Variants in GCFC2 observed in about 807,000 individuals in gnomAD.
The protein encoded by GCFC2 is GC-rich sequence DNA-binding factor 2, also known as intron Large complex component GCFC2.
A neutral mutation model predicts 99.4 loss-of-function variants in GCFC2; 102 were observed. That is an observed-to-expected ratio of 1.03 (90% CI 0.87 to 1.21). GCFC2 has a LOEUF of 1.21. Among genes scored for constraint, GCFC2 ranks in the 50% most tolerant of loss-of-function variants. The pLI is 0.00. For synonymous variants in GCFC2, 338 were observed against 316.8 expected (o/e 1.07, Z -0.71); for missense variants, 973 against 920.9 (o/e 1.06, Z -0.73).
At chr2:75,684,336 C>T (rs1679721043) in intron 11 of GCFC2, among the ~76,000 whole-genome samples, 1 of 152,208 alleles carries the variant, frequency 6.6e-6, no homozygotes, top group South Asian at 2.1e-4. Context: ...CACTCAAAAC[C>T]GCACAACTAT....
chr2:75,700,117 T>C (rs1680516175), intron 4 of GCFC2, among the ~76,000 whole-genome samples: 1 of 152,064 alleles, frequency 6.6e-6, no homozygotes, highest in Admixed American at 6.6e-5. Context: ...CCCAGGCTAG[T>C]CTTCTTTGTA....
At position 75,680,276 on chromosome 2, in the gene GCFC2, G is replaced by T; in HGVS notation, c.1729C>A (p.Gln577Lys). ...CAATGTGTTATTAAACTTGTTGTCT[G>T]TGAGGTTGACAAAGGATCCCAAAGG... ...EFLWDPLSTSQTTSLITHCRV... is the reference protein window; with the variant it reads ...EFLWDPLSTSKTTSLITHCRV... Residue 577 changes from glutamine to lysine, a missense_variant, in exon 12 of 17, where the codon CAG becomes AAG. By Grantham distance (53) the Gln-to-Lys change is moderately conservative. Coordinates refer to ENST00000321027, the MANE Select transcript of GCFC2 (RefSeq NM_003203.5). The T allele has an allele frequency of 1.2e-6, 2 of 1,607,722 alleles. No homozygotes were observed. Among genetic ancestry groups the T allele is most frequent in the Non-Finnish European group, 1.7e-6 (2 of 1,174,534 alleles).
At chr2:75,706,178 C>T (rs985132912) in intron 2 of GCFC2, among the ~76,000 whole-genome samples, 3 of 152,132 alleles carry the variant, frequency 2.0e-5, no homozygotes, top group African/African-American at 4.8e-5. Context: ...TATTACATAC[C>T]TTCCCTAGAG....
chr2:75,679,771 G>T, intron 12 of GCFC2: 1 of 399,142 alleles, frequency 2.5e-6, no homozygotes, highest in Non-Finnish European at 4.4e-6. Flanking sequence ...GTTCATCTCT[G>T]CAGGGCCAGT....
At chr2:75,710,976 C>A, upstream of GCFC2, 1 of 1,367,428 alleles carries the variant, frequency 7.3e-7, no homozygotes, top group Non-Finnish European at 9.4e-7. Flanking sequence ...GCCCGTCCCG[C>A]CTGCCTTCTG....
At position 75,671,935 on chromosome 2, in the gene GCFC2, G is replaced by A; in HGVS notation, c.1956+15C>T. 1 of 1,421,092 alleles carries A rather than the reference G, an allele frequency of 7.0e-7. No individual in the cohort carries two copies. Among genetic ancestry groups the A allele is most frequent in the Non-Finnish European group, 9.9e-7 (1 of 1,010,654 alleles). The allele number at this position is 1,421,092 out of a possible 1,614,324, so 88.0% of individuals were successfully genotyped here. ...TTACAAAAATTGCCTTTTCATTTTT[G>A]CAGTTTTTGCTCACCTTTAGGCCTG... On this transcript the variant is annotated intron_variant, in intron 14 of 16. Transcript: ENST00000321027.
rs1189692437 is a variant in GCFC2 at position 75,702,187 on chromosome 2, G to T, written c.619+12C>A. ...AAAATATCCTAATCTTCATATATTG[G>T]TAAATCCATACTTGATTCCTCAGCC... On this transcript the variant is annotated intron_variant, in intron 3 of 16. Coordinates refer to ENST00000321027, the MANE Select transcript of GCFC2 (RefSeq NM_003203.5). The T allele has an allele frequency of 6.3e-7, 1 of 1,596,052 alleles. No homozygotes were observed. The highest frequency in any genetic ancestry group is 1.1e-5 in the South Asian group (1 of 90,558).
At chr2:75,681,974 C>G (rs1156781905) in intron 11 of GCFC2, among the ~76,000 whole-genome samples, 1 of 151,896 alleles carries the variant, frequency 6.6e-6, no homozygotes, top group Non-Finnish European at 1.5e-5. Context: ...CCCCCATCTT[C>G]CATGGACAGA....
In GCFC2 at chr2:75,664,801, T is replaced by G; in HGVS notation, c.2229-18A>C. 1 of 1,188,228 alleles carries G rather than the reference T, an allele frequency of 8.4e-7. No individual in the cohort carries two copies. The highest frequency in any genetic ancestry group is 1.2e-6 in the Non-Finnish European group (1 of 800,982). The allele number at this position is 1,188,228 out of a possible 1,614,324, so 73.6% of individuals were successfully genotyped here. A position where few individuals can be genotyped will look rare whatever the true frequency, so the allele number is the denominator to read the frequency against. On this transcript the variant is annotated intron_variant, in intron 16 of 16. Coordinates refer to ENST00000321027, the MANE Select transcript of GCFC2 (RefSeq NM_003203.5). ...CTTCATCCCTGAAAAACAAAACAAA[T>G]TTCTCCCTTTAAAAATGCAATGTAT...
Position 75,687,855 on chromosome 2 carries a change from G to C in GCFC2, c.1662C>G (p.Ile554Met). The change falls in exon 11 of 17, where the codon ATC (isoleucine) becomes ATG (methionine). Residue 554 changes from isoleucine (I) to methionine (M), a missense_variant. Physicochemically the swap from Ile to Met is conservative, Grantham distance 10. Transcript: ENST00000321027. ...SSDKKVLSAI[I>M]NKTIIPRLTD... ...TAAGTCGGGGAATAATTGTTTTGTT[G>C]ATGATTGCAGACAAGACTTTTTTAT... 1 of 1,605,062 alleles carries C rather than the reference G, an allele frequency of 6.2e-7. No homozygotes were observed. Among genetic ancestry groups the C allele is most frequent in the Non-Finnish European group, 8.5e-7 (1 of 1,176,180 alleles).
rs1264636730 is a variant in GCFC2, at chr2:75,710,878, G to T, written c.-23C>A. On this transcript the variant is annotated 5_prime_UTR_variant, in exon 1 of 17. Coordinates refer to ENST00000321027, the MANE Select transcript of GCFC2 (RefSeq NM_003203.5). ...CATGGCCGAGGCCCGAGCGCCCGGC[G>T]CCCTAGAACCCGCTGAACCGCAAGC... 3 of 1,526,024 alleles carry T rather than the reference G, an allele frequency of 2.0e-6. No homozygotes were observed. Among genetic ancestry groups the T allele is most frequent in the Admixed American group, 1.9e-5 (1 of 52,684 alleles). 94.5% of individuals were successfully genotyped at this position (1,526,024 alleles called of 1,614,324 possible).
chr2:75,699,298 A>C (rs1680469484), intron 4 of GCFC2, among the ~76,000 whole-genome samples: 1 of 152,198 alleles, frequency 6.6e-6, no homozygotes, highest in African/African-American at 2.4e-5. Flanking sequence ...TTAGGACATA[A>C]ATTGTATAAA....
intron 4 of GCFC2, among the ~76,000 whole-genome samples, chr2:75,700,152 C>T (rs1680518153): frequency 6.6e-6 from 1 of 152,146 alleles, no homozygotes; most frequent in Admixed American, 6.6e-5. Context: ...CTGACTCAGC[C>T]TCCCGAGCTT....
intron 15 of GCFC2, among the ~76,000 whole-genome samples, chr2:75,669,098 C>A (rs1678972984): frequency 6.6e-6 from 1 of 152,126 alleles, no homozygotes; most frequent in Admixed American, 6.5e-5. Flanking sequence ...ATTATTTTCA[C>A]ATATTTTAAG....
Position 75,670,158 on chromosome 2 carries a change from C to T in GCFC2, c.2083G>A (p.Val695Met), listed in dbSNP as rs373361292. ...ALLNATPGPD[V>M]VKKCNQVAAC... ...CTTACCTGGTTGCACTTTTTAACCACATCTGGCCCAGGTGTGGCATTGAGA... is the reference window on the plus strand; with the variant it reads ...CTTACCTGGTTGCACTTTTTAACCATATCTGGCCCAGGTGTGGCATTGAGA... Residue 695 changes from valine to methionine, a missense_variant, in exon 15 of 17, where the codon GTG (valine) becomes ATG (methionine). By Grantham distance (21) the Val-to-Met change is conservative (BLOSUM62 1). Coordinates refer to ENST00000321027, the MANE Select transcript of GCFC2 (RefSeq NM_003203.5). The T allele has an allele frequency of 2.4e-5, 38 of 1,609,202 alleles. No homozygotes were observed. Among genetic ancestry groups the T allele is most frequent in the East Asian group, 1.8e-4 (8 of 44,846 alleles).
At chr2:75,675,297 T>C (rs1271429402) in intron 12 of GCFC2, among the ~76,000 whole-genome samples, 4 of 152,224 alleles carry the variant, frequency 2.6e-5, no homozygotes, top group East Asian at 3.8e-4. Context: ...TGTATGTATA[T>C]ATTTAAAATG....
chr2:75,694,576 A>G (rs1462666827), intron 5 of GCFC2, 149 bp from the exon 6 acceptor site: 2 of 386,648 alleles, frequency 5.2e-6, no homozygotes, highest in Non-Finnish European at 9.1e-6. Context: ...CCACAATAAA[A>G]GGAAACCCTT....
chr2:75,671,036 CTAAT>C (rs1248949022), intron 14 of GCFC2, among the ~76,000 whole-genome samples: 1 of 152,196 alleles, frequency 6.6e-6, no homozygotes, highest in Non-Finnish European at 1.5e-5. Context: ...CTATATCCTT[CTAAT>C]TGTCAAATCC....
intron 13 of GCFC2, among the ~76,000 whole-genome samples, chr2:75,672,848 C>G (rs1261838435): frequency 6.6e-6 from 1 of 152,166 alleles, no homozygotes; most frequent in Non-Finnish European, 1.5e-5. Flanking sequence ...CTTTACCACT[C>G]TATATCACCT....
Sources: gnomAD v4.1 joint callset for allele counts (sites outside exome capture counted in the v4.1 genomes callset) on GRCh38, gnomAD v4.1.1 for gene constraint, MANE v1.5 for transcripts, NCBI Gene and HGNC (gene_info 2026-07-23, HGNC 2026-07-21) for gene names.